The following PLD5 variants were observed in gnomAD, a reference collection of about 807,000 sequenced individuals.
The protein encoded by PLD5 is inactive phospholipase D5.
In PLD5, 36 loss-of-function variants were observed where a neutral mutation model predicts 61.1. The ratio of observed to expected loss-of-function variants is 0.59; its 90% confidence interval spans 0.45 to 0.78. The LOEUF is 0.78. Among genes scored for constraint, PLD5 ranks in the 30% least tolerant of loss-of-function variants. The pLI is 0.00. For synonymous variants in PLD5, 243 were observed against 242.8 expected, an observed-to-expected ratio of 1.00 and a Z score of -0.01; for missense variants, 515 against 644.4, an observed-to-expected ratio of 0.80 and a Z score of 2.17.
intron 1 of PLD5, among the ~76,000 whole-genome samples, chr1:242,351,665 A>G (rs887814531): frequency 1.1e-4 from 17 of 152,240 alleles, no homozygotes; most frequent in African/African-American, 3.4e-4. Context: ...TGTCTTTATT[A>G]GCAGCATGAG....
intron 1 of PLD5, among the ~76,000 whole-genome samples, chr1:242,407,058 T>C (rs1664270256): frequency 6.6e-6 from 1 of 152,220 alleles, no homozygotes; most frequent in Non-Finnish European, 1.5e-5. Context: ...GTAGCTCTTA[T>C]AATTCCCATG....
At chr1:242,420,769 C>T (rs73133749) in intron 1 of PLD5, among the ~76,000 whole-genome samples, 5,693 of 152,152 alleles carry the variant, frequency 0.037, 382 homozygotes, top group African/African-American at 0.13. Flanking sequence ...CTCAAAGGTT[C>T]GAGAAATTCC....
Position 242,503,342 on chromosome 1 carries a change from G to A in PLD5, c.189+20746C>T, listed in dbSNP as rs1005788543. On this transcript the variant is annotated intron_variant, in intron 1 of 9. Transcript: ENST00000536534. Reference sequence around the variant, plus strand: ...CTAGCTGCTGCTCCTGCCAGGCGTCGTCCTGCTTCTGCTTTGCCTTCCACC... The same window carrying A: ...CTAGCTGCTGCTCCTGCCAGGCGTCATCCTGCTTCTGCTTTGCCTTCCACC... Among the ~76,000 whole-genome samples the A allele has an allele frequency of 4.6e-5, 7 of 152,244 alleles. No individual in the cohort carries two copies. In the East Asian group the frequency reaches 5.8e-4, roughly 13 times the overall value.
At chr1:242,398,803 G>A (rs2580238) in intron 1 of PLD5, among the ~76,000 whole-genome samples, 85,443 of 152,034 alleles carry the variant, frequency 0.56, 24,461 homozygotes, top group Admixed American at 0.67. Flanking sequence ...TTATTAAAAC[G>A]TCAGACTTGA....
chr1:242,169,228 A>C (rs1345329598), intron 5 of PLD5, among the ~76,000 whole-genome samples: 1 of 152,148 alleles, frequency 6.6e-6, no homozygotes, highest in Admixed American at 6.5e-5. Flanking sequence ...CTGCATTTCC[A>C]ACTGAGGTAC....
chr1:242,159,614 G>C (rs547327118), intron 5 of PLD5, among the ~76,000 whole-genome samples: 3 of 152,180 alleles, frequency 2.0e-5, no homozygotes, highest in Admixed American at 2.0e-4. Context: ...CCACCCATAG[G>C]TCTGTAATCA....
chr1:242,194,614 C>CTATCTATCTATG (rs1264104648), intron 5 of PLD5, among the ~76,000 whole-genome samples: 9 of 62,604 alleles, frequency 1.4e-4, no homozygotes, highest in East Asian at 1.7e-3. Context: ...ATGTATCTAT[C>CTATCTATCTATG]TATGTATCTA....
At chr1:242,428,116 A>T (rs2102883813) in intron 1 of PLD5, among the ~76,000 whole-genome samples, 1 of 152,352 alleles carries the variant, frequency 6.6e-6, no homozygotes, top group East Asian at 1.9e-4. Context: ...TTAAGCAAGC[A>T]CACTGAATTC....
At chr1:242,376,799 A>T in intron 1 of PLD5, 1 of 992,456 alleles carries the variant, frequency 1.0e-6, no homozygotes, top group Non-Finnish European at 1.5e-6. Context: ...ACGTTGAAAG[A>T]GAATATATTG....
chr1:242,405,181 T>C (rs1348938416), intron 1 of PLD5, among the ~76,000 whole-genome samples: 9 of 152,138 alleles, frequency 5.9e-5, no homozygotes, highest in Non-Finnish European at 1.2e-4. Flanking sequence ...TGCTAATCCA[T>C]TTGCTACCAG....
intron 1 of PLD5, among the ~76,000 whole-genome samples, chr1:242,409,586 A>C (rs1254580112): frequency 6.6e-6 from 1 of 152,152 alleles, no homozygotes; most frequent in African/African-American, 2.4e-5. Context: ...ATAGGCAAGA[A>C]AGAAGGAAGA....
intron 4 of PLD5, among the ~76,000 whole-genome samples, chr1:242,236,501 C>T (rs1033854502): frequency 1.4e-4 from 22 of 151,816 alleles, no homozygotes; most frequent in African/African-American, 5.1e-4. Flanking sequence ...GCAATTTCTC[C>T]CATCTCCAGA....
chr1:242,140,811 G>C (rs6667115), intron 5 of PLD5, among the ~76,000 whole-genome samples: 11 of 152,110 alleles, frequency 7.2e-5, no homozygotes, highest in African/African-American at 2.6e-4. Context: ...CTTGGCCTTA[G>C]AGGATGGGCT....
intron 1 of PLD5, among the ~76,000 whole-genome samples, chr1:242,392,430 G>A (rs1355949944): frequency 6.6e-6 from 1 of 152,190 alleles, no homozygotes; most frequent in Non-Finnish European, 1.5e-5. Flanking sequence ...ATTATGGGGT[G>A]AAAAGGCGAA....
intron 2 of PLD5, among the ~76,000 whole-genome samples, chr1:242,311,315 T>A (rs1231858042): frequency 1.3e-5 from 2 of 152,202 alleles, no homozygotes; most frequent in African/African-American, 4.8e-5. Flanking sequence ...CTCAAGCATT[T>A]TCAAGGAGTG....
In PLD5 at chr1:242,237,087, A is replaced by G. The variant is rs190076657; in HGVS notation, c.608-16972T>C. ...CAGAAAGCATGTGTGATTGTGTTTT[A>G]TGAGACTGCAGCTCAGGGGAATTCT... On this transcript the variant is annotated intron_variant, in intron 4 of 9. Transcript: ENST00000536534. Among the ~76,000 whole-genome samples the G allele has an allele frequency of 3.6e-3, 542 of 152,320 alleles. 3 individuals carry two copies. The highest frequency in any genetic ancestry group is 0.01 in the Middle Eastern group (3 of 292).
In PLD5 at chr1:242,206,675, A is replaced by C. The variant is rs116925234; in HGVS notation, c.735+13313T>G. Among the ~76,000 whole-genome samples, 535 of 152,312 alleles carry C rather than the reference A, an allele frequency of 3.5e-3. 18 individuals carry two copies. In the East Asian group the frequency reaches 0.061, roughly 17 times the overall value. On this transcript the variant is annotated intron_variant, in intron 5 of 9. Coordinates refer to ENST00000536534, the MANE Select transcript of PLD5 (RefSeq NM_001372062.1). ...GAAAATCATAAGGGAAAATATATTTACTATTCATTAAGTGGAAGTGGATCA... is the reference window on the plus strand; with the variant it reads ...GAAAATCATAAGGGAAAATATATTTCCTATTCATTAAGTGGAAGTGGATCA...
chr1:242,090,947 C>A (rs1012250101), intron 9 of PLD5, among the ~76,000 whole-genome samples: 2 of 151,684 alleles, frequency 1.3e-5, no homozygotes, highest in African/African-American at 4.8e-5. Flanking sequence ...GAGATGGGGT[C>A]TTGCTGTGTT....
intron 4 of PLD5, among the ~76,000 whole-genome samples, chr1:242,241,883 A>ACTG (rs1558387497): frequency 2.2e-4 from 7 of 32,150 alleles, no homozygotes; most frequent in African/African-American, 8.3e-4. Context: ...ATATATATAT[A>ACTG]TATATATATA....
Sources: allele counts gnomAD v4.1 joint callset (sites outside exome capture counted in the v4.1 genomes callset), GRCh38; gene constraint gnomAD v4.1.1; transcripts MANE v1.5; gene names NCBI Gene and HGNC (gene_info 2026-07-23, HGNC 2026-07-21).